Variants in PAPOLG observed in about 807,000 individuals in gnomAD.
The protein encoded by PAPOLG is poly(A) polymerase gamma, also known as PAP-gamma.
A neutral mutation model predicts 99.0 loss-of-function variants in PAPOLG; 40 were observed. The observed-to-expected ratio is 0.40, with a 90% CI of 0.31 to 0.53. The LOEUF is 0.53. Ranked by LOEUF, PAPOLG falls within the 20% of genes least tolerant of loss-of-function variation. The probability of loss-of-function intolerance (pLI) is 0.41; values close to 1 mark genes in which losing one functional copy is unlikely to be tolerated. For synonymous variants in PAPOLG, 310 were observed against 299.3 expected (o/e 1.04, Z -0.37); for missense variants, 675 against 884.1 (o/e 0.76, Z 3.00).
intron 19 of PAPOLG, 109 bp from the exon 20 acceptor site, chr2:60,794,601 T>C: frequency 1.1e-6 from 1 of 873,414 alleles, no homozygotes; most frequent in Non-Finnish European, 1.8e-6. Context: ...TCCATGTTTA[T>C]AGTAATTTTT....
intron 14 of PAPOLG, 109 bp from the exon 15 acceptor site, chr2:60,787,402 G>A: frequency 1.5e-6 from 2 of 1,338,964 alleles, no homozygotes; most frequent in Non-Finnish European, 2.0e-6. Flanking sequence ...ACTGAAATCT[G>A]TATTTGTGAG....
Position 60,766,065 on chromosome 2 carries a change from ATACT to A in PAPOLG, c.247-2401_247-2398del, listed in dbSNP as rs573473168. 3.1e-3 allele frequency among the ~76,000 whole-genome samples: 467 copies of A among 152,364 alleles called. 2 individuals are homozygous for A. The highest frequency in any genetic ancestry group is 0.011 in the African/African-American group (449 of 41,584). ...ACAAGGATAATATCCTATTATATAG[ATACT>A]TACATTCAAGTTGAAGTTAATCAGC... is the stretch of plus-strand genomic sequence containing the variant. On this transcript the variant is annotated intron_variant, in intron 3 of 21. Coordinates refer to ENST00000238714, the MANE Select transcript of PAPOLG (RefSeq NM_022894.4).
chr2:60,771,692 T>A (rs1448138656), intron 7 of PAPOLG, 62 bp downstream of exon 7: 1 of 1,534,568 alleles, frequency 6.5e-7, no homozygotes, highest in African/African-American at 1.4e-5. Flanking sequence ...ATATAGATAT[T>A]TTTGCTGAAT....
chr2:60,759,713 A>G (rs1670467505), intron 1 of PAPOLG, among the ~76,000 whole-genome samples: 1 of 152,182 alleles, frequency 6.6e-6, no homozygotes, highest in Admixed American at 6.5e-5. Context: ...GGGGAAAAAA[A>G]CCCATTGTTT....
intron 5 of PAPOLG, among the ~76,000 whole-genome samples, chr2:60,769,474 A>C (rs1670783356): frequency 1.3e-5 from 2 of 152,316 alleles, no homozygotes; most frequent in South Asian, 4.1e-4. Context: ...CTGAAGTGCT[A>C]GAATAAGGTG....
At position 60,787,631 on chromosome 2, in the gene PAPOLG, A is replaced by T; in HGVS notation, c.1396+11A>T. On this transcript the variant is annotated intron_variant, in intron 15 of 21. Transcript: ENST00000238714. Reference sequence around the variant, plus strand: ...CATTTACTGATACAGGTAAGACTCCATCATCATAGAGCTGTGATTCTCAAA... The same window carrying T: ...CATTTACTGATACAGGTAAGACTCCTTCATCATAGAGCTGTGATTCTCAAA... The T allele has an allele frequency of 6.2e-7, 1 of 1,611,514 alleles. No homozygotes were observed. The highest frequency in any genetic ancestry group is 8.5e-7 in the Non-Finnish European group (1 of 1,178,682).
intron 1 of PAPOLG, among the ~76,000 whole-genome samples, chr2:60,757,245 C>T (rs927848076): frequency 1.3e-5 from 2 of 152,204 alleles, no homozygotes; most frequent in Non-Finnish European, 2.9e-5. Flanking sequence ...CGCACACACA[C>T]GGTGTGTATA....
chr2:60,783,537 G>T, intron 13 of PAPOLG, among the ~76,000 whole-genome samples: 1 of 105,942 alleles, frequency 9.4e-6, no homozygotes, highest in South Asian at 3.1e-4. Flanking sequence ...TTGAGAAGGA[G>T]TCTCCCTCTG....
At chr2:60,788,131 T>C (rs1671423379) in intron 15 of PAPOLG, among the ~76,000 whole-genome samples, 1 of 151,934 alleles carries the variant, frequency 6.6e-6, no homozygotes, top group Admixed American at 6.6e-5. Flanking sequence ...GTGTACACTG[T>C]GCTATTTATA....
rs573829852 is a variant in PAPOLG at position 60,780,544 on chromosome 2, G to A, written c.834-163G>A. On this transcript the variant is annotated intron_variant, in intron 9 of 21. Coordinates refer to ENST00000238714, the MANE Select transcript of PAPOLG (RefSeq NM_022894.4). ...GCCTGCCTCAGCTTCCCAGAGTACT[G>A]GGATTACAGGCATGAGCCACCATGC... The A allele has an allele frequency of 2.4e-5, 5 of 208,810 alleles. No homozygotes were observed. In the Admixed American group the frequency reaches 3.3e-4, roughly 14 times the overall value. The allele number at this position is 208,810 out of a possible 1,614,324, so 12.9% of individuals were successfully genotyped here.
intron 13 of PAPOLG, among the ~76,000 whole-genome samples, chr2:60,785,658 G>A (rs1302405866): frequency 6.6e-6 from 1 of 151,566 alleles, no homozygotes; most frequent in Non-Finnish European, 1.5e-5. Flanking sequence ...AAGTAGCTGG[G>A]GCCTGCAGGC....
In PAPOLG at chr2:60,800,958, AATG is replaced by A. The variant is rs765350965; in HGVS notation, c.*3800_*3802del. 3.3e-5 allele frequency: 5 copies of A among 152,318 alleles called. No homozygotes were observed. Among genetic ancestry groups the A allele is most frequent in the Non-Finnish European group, 7.4e-5 (5 of 68,022 alleles). 9.4% of individuals were successfully genotyped at this position (152,318 alleles called of 1,614,324 possible). A position where few individuals can be genotyped will look rare whatever the true frequency, so the allele number is the denominator to read the frequency against. On this transcript the variant is annotated 3_prime_UTR_variant, in exon 22 of 22. Transcript: ENST00000238714. ...CTGAATTTCTAAGTTTATAACCTAA[AATG>A]AAACTGTAAAGTCCTCGGTATTTAG...
At chr2:60,759,835 A>G (rs1055508651) in intron 1 of PAPOLG, among the ~76,000 whole-genome samples, 14 of 152,206 alleles carry the variant, frequency 9.2e-5, no homozygotes, top group South Asian at 4.1e-4. Context: ...ACAGATCCCA[A>G]TCAAACTCTG....
chr2:60,793,847 G>A (rs1671615743), intron 18 of PAPOLG, 124 bp from the exon 19 acceptor site: 3 of 1,409,878 alleles, frequency 2.1e-6, no homozygotes, highest in South Asian at 2.8e-5. Flanking sequence ...GGAAGTCAAG[G>A]CTGCAGTGAG....
chr2:60,782,845 A>G, intron 12 of PAPOLG, 75 bp downstream of exon 12: 1 of 1,436,924 alleles, frequency 7.0e-7, no homozygotes, highest in South Asian at 1.4e-5. Flanking sequence ...TAGTTAATAT[A>G]TGGCAGGTGA....
chr2:60,780,805 T>C (rs773514694), intron 10 of PAPOLG, 26 bp downstream of exon 10: 8 of 1,548,196 alleles, frequency 5.2e-6, no homozygotes, highest in Admixed American at 1.7e-5. Context: ...TGGAGTTTCT[T>C]TAAAGCTTTT....
chr2:60,762,754 G>A (rs1670557249), intron 3 of PAPOLG, among the ~76,000 whole-genome samples: 1 of 151,486 alleles, frequency 6.6e-6, no homozygotes, highest in African/African-American at 2.4e-5. Flanking sequence ...AGCCTCCCGA[G>A]TAGCTGGGAC....
chr2:60,781,896 A>G lies in PAPOLG; in HGVS notation c.918A>G (p.Ser306=). Residue 306 remains serine (S), a synonymous_variant, in exon 11 of 22, where the codon TCA becomes TCG. Transcript: ENST00000238714. ...LPVWDPRVNP[S]DRYHLMPIIT... Reference sequence around the variant, plus strand: ...TTCTAATTTCACAGGTAAATCCATCAGATAGGTATCATCTCATGCCCATAA... The same window carrying G: ...TTCTAATTTCACAGGTAAATCCATCGGATAGGTATCATCTCATGCCCATAA... 6.2e-7 allele frequency: 1 copy of G among 1,614,060 alleles called. No homozygotes were observed. Among genetic ancestry groups the G allele is most frequent in the Non-Finnish European group, 8.5e-7 (1 of 1,179,936 alleles).
chr2:60,768,588 C>T, intron 4 of PAPOLG, 37 bp downstream of exon 4: 1 of 1,471,238 alleles, frequency 6.8e-7, no homozygotes, highest in Non-Finnish European at 9.4e-7. Flanking sequence ...TAAGAACATT[C>T]AATAACAAAC....
Sources: allele counts gnomAD v4.1 joint callset (sites outside exome capture counted in the v4.1 genomes callset), GRCh38; gene constraint gnomAD v4.1.1; transcripts MANE v1.5; gene names NCBI Gene and HGNC (gene_info 2026-07-23, HGNC 2026-07-21).